Variants in RYR2 observed in about 807,000 individuals in gnomAD.
RYR2 encodes ryanodine receptor 2, also known as cardiac muscle ryanodine receptor-calcium release channel.
RYR2 carries 227 observed loss-of-function variants against 601.1 expected under a neutral mutation model. The ratio of observed to expected loss-of-function variants is 0.38; its 90% CI spans 0.34 to 0.42. The LOEUF is 0.42. Among genes scored for constraint, RYR2 ranks in the 10% least tolerant of loss-of-function variants. The probability of loss-of-function intolerance (pLI) is 1.00; values close to 1 mark genes in which losing one functional copy is unlikely to be tolerated. For synonymous variants in RYR2, 2,223 were observed against 2,175.1 expected, an observed-to-expected ratio of 1.02 and a Z score of -0.61; for missense variants, 4,646 against 6,156.5, an observed-to-expected ratio of 0.75 and a Z score of 8.21.
intron 5 of RYR2, 22 bp from the exon 6 acceptor site, chr1:237,369,512 C>CT (rs1558698147): frequency 6.5e-7 from 1 of 1,550,062 alleles, no homozygotes; most frequent in East Asian, 2.4e-5. Context: ...TCTTGTTCTC[C>CT]TTTTTTCTCT....
Position 237,663,447 on chromosome 1 carries a change from G to A in RYR2, c.8436+2500G>A, listed in dbSNP as rs578025985. 2.0e-4 allele frequency among the ~76,000 whole-genome samples: 31 copies of A among 152,144 alleles called. No individual in the cohort carries two copies. In the South Asian group the frequency reaches 2.9e-3, roughly 14 times the overall value. On this transcript the variant is annotated intron_variant, in intron 56 of 104. Coordinates refer to ENST00000366574, the MANE Select transcript of RYR2 (RefSeq NM_001035.3). ...TGAATTCCTCAGCTTTTTTTCACTG[G>A]GGCTTAGCACTCCCTCAGGGACACA... is the stretch of plus-strand genomic sequence containing the variant.
Position 237,496,605 on chromosome 1 carries a change from G to A in RYR2, c.2056G>A (p.Val686Met), listed in dbSNP as rs1060500139. ...ELMVDHTEPF[V>M]TAEATHLRVG... ...GATGGTGGACCACACAGAGCCCTTT[G>A]TGACAGCTGAAGCAACTCACCTGCG... is the stretch of plus-strand genomic sequence containing the variant. The change falls in exon 20 of 105, where the codon GTG (valine) becomes ATG (methionine). Residue 686 changes from valine to methionine, a missense_variant. Val to Met is a conservative substitution (Grantham distance 21, BLOSUM62 1). Transcript: ENST00000366574. 3 of 1,613,962 alleles carry A rather than the reference G, an allele frequency of 1.9e-6. No homozygotes were observed. Among genetic ancestry groups the A allele is most frequent in the Non-Finnish European group, 2.5e-6 (3 of 1,179,890 alleles).
chr1:237,700,861 T>C (rs962252628), intron 65 of RYR2, among the ~76,000 whole-genome samples: 3 of 152,216 alleles, frequency 2.0e-5, no homozygotes, highest in Non-Finnish European at 2.9e-5. Flanking sequence ...AGCTTGACAA[T>C]GTAATAATGT....
intron 1 of RYR2, among the ~76,000 whole-genome samples, chr1:237,123,624 T>G (rs184805669): frequency 6.6e-6 from 1 of 150,588 alleles, no homozygotes; most frequent in East Asian, 2.0e-4. Context: ...TGATGAAGAC[T>G]TTCTCCTTTG....
At chr1:237,649,744 T>C (rs1403595768) in intron 49 of RYR2, 133 bp from the exon 50 acceptor site, 1 of 703,106 alleles carries the variant, frequency 1.4e-6, no homozygotes, top group Non-Finnish European at 2.3e-6. Flanking sequence ...AAGATGTAAC[T>C]AAAGAATACA....
chr1:237,403,845 T>C (rs1338807507), intron 10 of RYR2, among the ~76,000 whole-genome samples: 1 of 152,060 alleles, frequency 6.6e-6, no homozygotes, highest in Non-Finnish European at 1.5e-5. Context: ...TTTGGAGGTA[T>C]AGAAACGGAA....
At chr1:237,175,710 C>T (rs1488757587) in intron 1 of RYR2, among the ~76,000 whole-genome samples, 1 of 152,142 alleles carries the variant, frequency 6.6e-6, no homozygotes, top group African/African-American at 2.4e-5. Flanking sequence ...GCAGAGTGCC[C>T]TGCTAACCAA....
intron 1 of RYR2, among the ~76,000 whole-genome samples, chr1:237,057,347 G>C (rs190362483): frequency 7.9e-5 from 12 of 152,148 alleles, no homozygotes; most frequent in African/African-American, 2.4e-4. Flanking sequence ...CATCACGCCC[G>C]GCTAATTTTC....
chr1:237,315,466 A>G (rs1174142546), intron 2 of RYR2, among the ~76,000 whole-genome samples: 1 of 152,108 alleles, frequency 6.6e-6, no homozygotes, highest in Non-Finnish European at 1.5e-5. Context: ...GTTTAAAAGT[A>G]TTTCTTAGGG....
At chr1:237,538,293 G>A (rs944003387) in intron 25 of RYR2, among the ~76,000 whole-genome samples, 1 of 150,540 alleles carries the variant, frequency 6.6e-6, no homozygotes, top group African/African-American at 2.4e-5. Flanking sequence ...CACTCGGGAG[G>A]CTGAGGCAGG....
Position 237,711,857 on chromosome 1 carries a change from C to T in RYR2, c.10323+20C>T, listed in dbSNP as rs750303478. The T allele has an allele frequency of 1.2e-5, 13 of 1,099,274 alleles. No homozygotes were observed. Among genetic ancestry groups the T allele is most frequent in the Non-Finnish European group, 1.8e-5 (13 of 724,090 alleles). The allele number at this position is 1,099,274 out of a possible 1,614,324, so 68.1% of individuals were successfully genotyped here. Reference sequence around the variant, plus strand: ...TCAAAGGTATTACTATAAACTGTTTCACTGTTCTGGAAAATATCTGAATGT... The same window carrying T: ...TCAAAGGTATTACTATAAACTGTTTTACTGTTCTGGAAAATATCTGAATGT... On this transcript the variant is annotated intron_variant, in intron 71 of 104. Transcript: ENST00000366574.
chr1:237,056,874 G>A (rs756334680), intron 1 of RYR2, among the ~76,000 whole-genome samples: 1 of 152,180 alleles, frequency 6.6e-6, no homozygotes, highest in Non-Finnish European at 1.5e-5. Flanking sequence ...GCATGGAACA[G>A]GTTCCCCCTC....
intron 84 of RYR2, among the ~76,000 whole-genome samples, chr1:237,769,739 CTTTTT>C (rs370357517): frequency 8.0e-6 from 1 of 125,204 alleles, no homozygotes; most frequent in African/African-American, 2.9e-5. Context: ...GTAAAAAGTT[CTTTTT>C]TTTTTTTTTT....
In RYR2 at chr1:237,569,184, T is replaced by C; in HGVS notation, c.3463T>C (p.Ser1155Pro). The change falls in exon 29 of 105, where the codon TCT (serine) becomes CCT (proline). Residue 1155 changes from serine to proline, a missense_variant. Physicochemically the swap from Ser to Pro is moderately conservative, Grantham distance 74 (BLOSUM62 -1). Transcript: ENST00000366574. ...WHQGNEHYGRSWQAGDVVGCM... is the reference protein window; with the variant it reads ...WHQGNEHYGRPWQAGDVVGCM... Reference sequence around the variant, plus strand: ...TCAGGGCAATGAACACTATGGGCGCTCTTGGCAAGCAGGCGATGTCGTGGG... The same window carrying C: ...TCAGGGCAATGAACACTATGGGCGCCCTTGGCAAGCAGGCGATGTCGTGGG... The C allele has an allele frequency of 1.2e-6, 2 of 1,613,890 alleles. No individual in the cohort carries two copies. Among genetic ancestry groups the C allele is most frequent in the Non-Finnish European group, 1.7e-6 (2 of 1,179,864 alleles).
At chr1:237,612,984 A>C (rs986326742) in intron 36 of RYR2, among the ~76,000 whole-genome samples, 1 of 152,230 alleles carries the variant, frequency 6.6e-6, no homozygotes, top group South Asian at 2.1e-4. Context: ...GGAAAATAAA[A>C]CTGAGGCTAA....
At chr1:237,109,067 T>G (rs1369848637) in intron 1 of RYR2, among the ~76,000 whole-genome samples, 1 of 152,154 alleles carries the variant, frequency 6.6e-6, no homozygotes, top group Admixed American at 6.5e-5. Flanking sequence ...ATAACCAGTG[T>G]GAAACCTAAC....
At chr1:237,067,094 CTCA>C (rs1163360067) in intron 1 of RYR2, among the ~76,000 whole-genome samples, 1 of 152,034 alleles carries the variant, frequency 6.6e-6, no homozygotes, top group Non-Finnish European at 1.5e-5. Context: ...TGGTTTGTAG[CTCA>C]TCATTTTCTC....
intron 10 of RYR2, among the ~76,000 whole-genome samples, chr1:237,413,625 G>A (rs989837042): frequency 1.3e-5 from 2 of 152,002 alleles, no homozygotes; most frequent in African/African-American, 4.8e-5. Flanking sequence ...ATAGTTTGAT[G>A]TTCATTATTT....
intron 50 of RYR2, among the ~76,000 whole-genome samples, chr1:237,650,500 G>A (rs1289186032): frequency 6.6e-6 from 1 of 152,216 alleles, no homozygotes; most frequent in African/African-American, 2.4e-5. Context: ...AATATAAAAT[G>A]TGATACAGCA....
Sources: allele counts gnomAD v4.1 joint callset (sites outside exome capture counted in the v4.1 genomes callset), GRCh38; gene constraint gnomAD v4.1.1; transcripts MANE v1.5; gene names NCBI Gene and HGNC (gene_info 2026-07-23, HGNC 2026-07-21).